Variants in ENO4 observed in about 807,000 individuals in gnomAD.
ENO4 encodes 2-phospho-D-glycerate hydro-lyase.
Under a neutral mutation model 63.2 loss-of-function variants are expected in ENO4, and 53 were observed. That is an observed-to-expected ratio of 0.84 (90% CI 0.67 to 1.05). The LOEUF is 1.05. Ranked by LOEUF, ENO4 falls within the 50% of genes least tolerant of loss-of-function variation. ENO4 has a pLI of 0.00. For missense variants in ENO4, 719 were observed against 772.0 expected (o/e 0.93, Z 0.81); for synonymous variants, 266 against 283.8 (o/e 0.94, Z 0.63).
chr10:116,903,842 T>TA (rs1196336299), intron 10 of ENO4, among the ~76,000 whole-genome samples: 3 of 152,192 alleles, frequency 2.0e-5, no homozygotes, highest in Non-Finnish European at 4.4e-5. Flanking sequence ...TTTTCTTATA[T>TA]ACAAAAAGAC....
At chr10:116,872,827 C>T (rs983080201) in intron 9 of ENO4, among the ~76,000 whole-genome samples, 1 of 152,166 alleles carries the variant, frequency 6.6e-6, no homozygotes, top group Admixed American at 6.5e-5. Context: ...TTTAACTTTA[C>T]AAAGGAAATT....
At chr10:116,905,056 C>G (rs1261202414) in intron 10 of ENO4, among the ~76,000 whole-genome samples, 1 of 151,548 alleles carries the variant, frequency 6.6e-6, no homozygotes, top group East Asian at 1.9e-4. Context: ...AAAAAATTAG[C>G]CGGGCGCGGT....
At chr10:116,852,052 A>G (rs1200774579) in intron 1 of ENO4, among the ~76,000 whole-genome samples, 4 of 152,064 alleles carry the variant, frequency 2.6e-5, no homozygotes, top group African/African-American at 9.7e-5. Context: ...AGGTAATTAA[A>G]TTATGGGGGT....
chr10:116,905,281 C>CA (rs1038871386), intron 10 of ENO4, among the ~76,000 whole-genome samples: 1 of 151,162 alleles, frequency 6.6e-6, no homozygotes. Flanking sequence ...AAGGATGACT[C>CA]AAGCACTGAT....
intron 8 of ENO4, among the ~76,000 whole-genome samples, chr10:116,869,991 CAAAT>C (rs1846646276): frequency 1.3e-5 from 2 of 152,038 alleles, no homozygotes; most frequent in Non-Finnish European, 2.9e-5. Flanking sequence ...TAGTAAGCAC[CAAAT>C]AAGTGATGCT....
downstream of ENO4, among the ~76,000 whole-genome samples, chr10:116,887,394 C>T (rs941215187): frequency 6.6e-6 from 1 of 152,172 alleles, no homozygotes; most frequent in African/African-American, 2.4e-5. Flanking sequence ...GCAGCTGCAG[C>T]AGGCAGGGCT....
At chr10:116,884,014 C>G (rs893846518), downstream of ENO4, 1 of 228,516 alleles carries the variant, frequency 4.4e-6, no homozygotes, top group Non-Finnish European at 9.1e-6. Context: ...CATCAACATT[C>G]GTTTTTCTTA....
In ENO4 at chr10:116,861,046, C is replaced by T; in HGVS notation, c.805-13C>T. On this transcript the variant is annotated splice_polypyrimidine_tract_variant and intron_variant, in intron 5 of 13. Coordinates refer to ENST00000341276, the MANE Select transcript of ENO4 (RefSeq NM_001242699.2). Reference sequence around the variant, plus strand: ...CCTGTTTCTCATTTTCCCTCGTTTTCCCCCTATTTCAGGAACAGCCAACAA... The same window carrying T: ...CCTGTTTCTCATTTTCCCTCGTTTTTCCCCTATTTCAGGAACAGCCAACAA... The T allele has an allele frequency of 6.5e-7, 1 of 1,546,872 alleles. No individual in the cohort carries two copies. The highest frequency in any genetic ancestry group is 8.7e-7 in the Non-Finnish European group (1 of 1,145,094).
chr10:116,872,562 T>A (rs560408988), intron 9 of ENO4, among the ~76,000 whole-genome samples: 1 of 152,192 alleles, frequency 6.6e-6, no homozygotes, highest in Non-Finnish European at 1.5e-5. Flanking sequence ...CCTTCCACCA[T>A]GATTGTGTGG....
At chr10:116,862,380 C>T (rs568123254) in intron 6 of ENO4, among the ~76,000 whole-genome samples, 2 of 152,144 alleles carry the variant, frequency 1.3e-5, no homozygotes, top group South Asian at 4.2e-4. Flanking sequence ...AAGAGAATTG[C>T]TTGAACAATT....
intron 10 of ENO4, chr10:116,901,069 CTGATT>C (rs1847714240): frequency 2.0e-6 from 2 of 985,408 alleles, no homozygotes; most frequent in Non-Finnish European, 1.2e-6. Flanking sequence ...TTCGGCTGAT[CTGATT>C]TGTCTCACCT....
downstream of ENO4, chr10:116,883,895 T>C (rs1356741182): frequency 4.8e-6 from 1 of 207,194 alleles, no homozygotes; most frequent in Non-Finnish European, 1.0e-5. Flanking sequence ...GTGCAAGTGC[T>C]TTAATTAAAA....
At chr10:116,851,335 G>A (rs1846076892) in intron 1 of ENO4, among the ~76,000 whole-genome samples, 1 of 152,158 alleles carries the variant, frequency 6.6e-6, no homozygotes, top group Non-Finnish European at 1.5e-5. Context: ...GATCCTTGGA[G>A]GCTGTATATC....
chr10:116,866,060 G>A (rs1472663848), intron 7 of ENO4, among the ~76,000 whole-genome samples: 1 of 152,178 alleles, frequency 6.6e-6, no homozygotes, highest in Non-Finnish European at 1.5e-5. Flanking sequence ...TGGCCAAGCT[G>A]GCATTCAAAC....
intron 10 of ENO4, among the ~76,000 whole-genome samples, chr10:116,892,932 T>A (rs1180296925): frequency 6.6e-6 from 1 of 152,326 alleles, no homozygotes; most frequent in South Asian, 2.1e-4. Flanking sequence ...TGGTTCTCTA[T>A]GCAGAAATGG....
intron 10 of ENO4, among the ~76,000 whole-genome samples, chr10:116,892,513 T>A (rs1273692959): frequency 1.3e-5 from 2 of 152,214 alleles, no homozygotes; most frequent in Non-Finnish European, 2.9e-5. Context: ...TTAAGAGACA[T>A]AGTCTTCCAC....
intron 7 of ENO4, among the ~76,000 whole-genome samples, chr10:116,865,225 T>A (rs1589755919): frequency 6.6e-6 from 1 of 152,152 alleles, no homozygotes; most frequent in Non-Finnish European, 1.5e-5. Context: ...TCTAGCTCTG[T>A]CACCCAGGCT....
chr10:116,895,728 T>C (rs1324474079), intron 10 of ENO4, among the ~76,000 whole-genome samples: 3 of 152,198 alleles, frequency 2.0e-5, no homozygotes, highest in East Asian at 1.9e-4. Flanking sequence ...CAGTACACCA[T>C]AGTTCAAAAA....
At chr10:116,856,949 A>G (rs1301046554) in intron 3 of ENO4, among the ~76,000 whole-genome samples, 1 of 151,532 alleles carries the variant, frequency 6.6e-6, no homozygotes, top group Non-Finnish European at 1.5e-5. Flanking sequence ...AGATCGCGCC[A>G]CTGGACTCCA....
Sources: gnomAD v4.1 joint callset for allele counts (sites outside exome capture counted in the v4.1 genomes callset) on GRCh38, gnomAD v4.1.1 for gene constraint, MANE v1.5 for transcripts, NCBI Gene and HGNC (gene_info 2026-07-23, HGNC 2026-07-21) for gene names.